ZER1: variants seen among roughly 807,000 people sequenced by gnomAD.
ZER1 encodes the protein zyg-11 related cell cycle regulator.
ZER1 carries 11 observed loss-of-function variants against 78.8 expected under a neutral mutation model. The ratio of observed to expected loss-of-function variants is 0.14; its 90% CI spans 0.09 to 0.23. The LOEUF is 0.23. ZER1 is among the 10% of genes least tolerant of loss of function. The pLI is 1.00. For synonymous variants in ZER1, 400 were observed against 407.0 expected, an observed-to-expected ratio of 0.98 and a Z score of 0.21; for missense variants, 588 against 996.9, an observed-to-expected ratio of 0.59 and a Z score of 5.52.
At chr9:128,769,011 C>G (rs897712375) in intron 1 of ZER1, among the ~76,000 whole-genome samples, 4 of 152,052 alleles carry the variant, frequency 2.6e-5, no homozygotes, top group African/African-American at 9.7e-5. Flanking sequence ...AACTCCTGGC[C>G]TCAAGCGATC....
chr9:128,738,455 G>A (rs1156876217), intron 13 of ZER1, among the ~76,000 whole-genome samples: 12 of 149,058 alleles, frequency 8.1e-5, no homozygotes, highest in Admixed American at 5.4e-4. Context: ...GCGCGATCTC[G>A]GCTAACTGCA....
intron 15 of ZER1, 45 bp downstream of exon 15, chr9:128,733,381 C>G: frequency 1.3e-6 from 2 of 1,584,944 alleles, no homozygotes; most frequent in Non-Finnish European, 1.7e-6. Context: ...GCCCTTACTC[C>G]CCTAAACCAA....
intron 8 of ZER1, among the ~76,000 whole-genome samples, chr9:128,748,772 A>T (rs1863581112): frequency 2.0e-5 from 3 of 151,512 alleles, no homozygotes; most frequent in African/African-American, 7.3e-5. Flanking sequence ...GGGTTTCACC[A>T]CGTTGGCCAG....
Position 128,771,754 on chromosome 9 carries a change from G to A in ZER1, c.-268C>T, listed in dbSNP as rs1864393621. Reference sequence around the variant, plus strand: ...CGGGGGTCGGCGGGGCGGAGCTTGGGATCCCGGGGACGGGAGCTCCGGGAG... The same window carrying A: ...CGGGGGTCGGCGGGGCGGAGCTTGGAATCCCGGGGACGGGAGCTCCGGGAG... On this transcript the variant is annotated 5_prime_UTR_variant, in exon 1 of 16. Coordinates refer to ENST00000291900, the MANE Select transcript of ZER1 (RefSeq NM_006336.4). 1 of 152,328 alleles carries A rather than the reference G, an allele frequency of 6.6e-6. No individual in the cohort carries two copies. Among genetic ancestry groups the A allele is most frequent in the Admixed American group, 6.5e-5 (1 of 15,292 alleles). The allele number at this position is 152,328 out of a possible 1,614,324, so 9.4% of individuals were successfully genotyped here.
Position 128,753,680 on chromosome 9 carries a change from G to A in ZER1, c.310-80C>T. The A allele has an allele frequency of 1.3e-6, 2 of 1,567,978 alleles. No homozygotes were observed. Among genetic ancestry groups the A allele is most frequent in the Non-Finnish European group, 1.7e-6 (2 of 1,157,288 alleles). On this transcript the variant is annotated intron_variant, in intron 3 of 15. Coordinates refer to ENST00000291900, the MANE Select transcript of ZER1 (RefSeq NM_006336.4). The surrounding 1 kb of genome is among the most constrained non-coding windows in gnomAD (Gnocchi z 7.5). ...CCAGGCCTTGCCCTGGGCTACAGGT[G>A]GGTTGGAAAGGGGGATGTGCACAGT...
At chr9:128,747,545 C>T (rs1215720848) in intron 8 of ZER1, among the ~76,000 whole-genome samples, 5 of 152,186 alleles carry the variant, frequency 3.3e-5, no homozygotes, top group Admixed American at 6.6e-5. Flanking sequence ...AAGTGGCTTT[C>T]GCTCTATTTA....
chr9:128,742,521 C>T lies in ZER1; in HGVS notation c.1575+9G>A, dbSNP rs151193282. 8.7e-6 allele frequency: 14 copies of T among 1,613,284 alleles called. No homozygotes were observed. The highest frequency in any genetic ancestry group is 1.8e-4 in the Middle Eastern group (1 of 5,546). ...TCAGGAGGAAGGGGGCAGCGCCCCC[C>T]ACACGTACCACGACAAAGCCCATCT... On this transcript the variant is annotated intron_variant, in intron 9 of 15. Coordinates refer to ENST00000291900, the MANE Select transcript of ZER1 (RefSeq NM_006336.4).
intron 8 of ZER1, among the ~76,000 whole-genome samples, chr9:128,747,600 A>G (rs1209504453): frequency 2.0e-5 from 3 of 152,090 alleles, no homozygotes; most frequent in Non-Finnish European, 4.4e-5. Context: ...TTAAGCATTT[A>G]GGTATCTTTT....
At position 128,740,626 on chromosome 9, in the gene ZER1, A is replaced by G. The variant is rs1863259859; in HGVS notation, c.1853+146T>C. The G allele has an allele frequency of 3.4e-6, 2 of 584,676 alleles. No homozygotes were observed. Among genetic ancestry groups the G allele is most frequent in the Non-Finnish European group, 6.1e-6 (2 of 325,834 alleles). The allele number at this position is 584,676 out of a possible 1,614,324, so 36.2% of individuals were successfully genotyped here. Reference sequence around the variant, plus strand: ...ATTACAAAAGGACCACTTACGAAGGATTGAATGAATAAGAAACCACATTAT... The same window carrying G: ...ATTACAAAAGGACCACTTACGAAGGGTTGAATGAATAAGAAACCACATTAT... On this transcript the variant is annotated intron_variant, in intron 12 of 15. Coordinates refer to ENST00000291900, the MANE Select transcript of ZER1 (RefSeq NM_006336.4). The surrounding 1 kb of genome is among the most constrained non-coding windows in gnomAD (Gnocchi z 4.4).
chr9:128,762,815 C>T (rs1189014402), intron 1 of ZER1, among the ~76,000 whole-genome samples: 2 of 152,190 alleles, frequency 1.3e-5, no homozygotes, highest in African/African-American at 4.8e-5. Flanking sequence ...GCCTGGGCCC[C>T]GGGCATGGCC....
At chr9:128,743,126 T>TTC (rs926215858) in intron 8 of ZER1, among the ~76,000 whole-genome samples, 2 of 151,540 alleles carry the variant, frequency 1.3e-5, no homozygotes, top group African/African-American at 4.8e-5. Flanking sequence ...TTTCTTTCTT[T>TTC]TTTTTTTTTG....
At chr9:128,742,455 ACT>A (rs1863333697) in intron 9 of ZER1, 73 bp downstream of exon 9, 1 of 1,549,686 alleles carries the variant, frequency 6.5e-7, no homozygotes, top group Non-Finnish European at 8.9e-7. Context: ...CTGCTCTGAG[ACT>A]CTCGCTCAGG....
intron 15 of ZER1, among the ~76,000 whole-genome samples, 190 bp from the exon 16 acceptor site, chr9:128,731,584 C>T (rs866609721): frequency 8.5e-5 from 13 of 152,166 alleles, no homozygotes; most frequent in East Asian, 1.9e-4. Context: ...CACCTGTGGC[C>T]GTGAATGCCA....
intron 8 of ZER1, among the ~76,000 whole-genome samples, chr9:128,744,835 C>T (rs1007566595): frequency 1.3e-5 from 2 of 152,180 alleles, no homozygotes; most frequent in Admixed American, 6.5e-5. Context: ...TGTTGTTATA[C>T]GTAGCTGAAA....
At chr9:128,747,643 T>C (rs983311680) in intron 8 of ZER1, among the ~76,000 whole-genome samples, 2 of 152,230 alleles carry the variant, frequency 1.3e-5, no homozygotes, top group African/African-American at 4.8e-5. Context: ...ACACAGAGTC[T>C]TGCTTCGTCA....
chr9:128,772,466 C>G (rs1295162080), upstream of ZER1: 1 of 152,300 alleles, frequency 6.6e-6, no homozygotes, highest in Non-Finnish European at 1.5e-5. Flanking sequence ...TCCTAAGGAT[C>G]CTGTCAAACC....
intron 13 of ZER1, among the ~76,000 whole-genome samples, chr9:128,737,005 A>G (rs936048511): frequency 2.0e-5 from 3 of 152,012 alleles, no homozygotes; most frequent in African/African-American, 7.2e-5. Flanking sequence ...TTAGTTGAGC[A>G]TGGTAACGTG....
In ZER1 at chr9:128,731,215, TC is replaced by T. The variant is rs1013914392; in HGVS notation, c.*121del. On this transcript the variant is annotated 3_prime_UTR_variant, in exon 16 of 16. Transcript: ENST00000291900. ...AGGAAAAGCGTCGGTTGTGCAAAAG[TC>T]CCCCATGTCTCTTCACTCCGTGGGA... is the stretch of plus-strand genomic sequence containing the variant. 4.4e-6 allele frequency: 3 copies of T among 677,556 alleles called. No individual in the cohort carries two copies. The highest frequency in any genetic ancestry group is 3.6e-5 in the African/African-American group (2 of 54,928). The allele number at this position is 677,556 out of a possible 1,614,324, so 42.0% of individuals were successfully genotyped here. A position where few individuals can be genotyped will look rare whatever the true frequency, so the allele number is the denominator to read the frequency against.
rs1411445461 is a variant in ZER1, at chr9:128,735,757, CCTGGTTTTTTTTTTTTT to C, written c.2043-343_2043-327del. On this transcript the variant is annotated intron_variant, in intron 13 of 15. Coordinates refer to ENST00000291900, the MANE Select transcript of ZER1 (RefSeq NM_006336.4). ...ACCCTGGGAACAGAAGCACGTGTGA[CCTGGTTTTTTTTTTTTT>C]TTTTTTTTTTTTTTTTTTTGTGAGA... Among the ~76,000 whole-genome samples, 46 of 77,370 alleles carry C rather than the reference CCTGGTTTTTTTTTTTTT, an allele frequency of 5.9e-4. 3 individuals carry two copies. The highest frequency in any genetic ancestry group is 3.0e-3 in the East Asian group (7 of 2,372). 50.8% of individuals were successfully genotyped at this position (77,370 alleles called of 152,430 possible).
Sources: gnomAD v4.1 joint callset for allele counts (sites outside exome capture counted in the v4.1 genomes callset) on GRCh38, gnomAD v4.1.1 for gene constraint, Gnocchi (gnomAD v3.1) non-coding constraint, MANE v1.5 for transcripts, NCBI Gene and HGNC (gene_info 2026-07-23, HGNC 2026-07-21) for gene names.